TBC1D8B: variants seen among roughly 807,000 people sequenced by gnomAD.
TBC1D8B encodes TBC1 domain family member 8B, also known as RP11-321G1.1.
TBC1D8B carries 75 observed loss-of-function variants against 82.9 expected under a neutral mutation model. The observed-to-expected ratio is 0.90, with a 90% CI of 0.75 to 1.10. The LOEUF is 1.10. Among genes scored for constraint, TBC1D8B ranks in the 50% least tolerant of loss-of-function variants. The pLI is 0.00. For synonymous variants in TBC1D8B, 276 were observed against 276.8 expected (o/e 1.00, Z 0.03); for missense variants, 794 against 796.9 (o/e 1.00, Z 0.04).
chrX:106,803,965 A>G (rs1210981342), intron 1 of TBC1D8B, among the ~76,000 whole-genome samples: 2 of 111,681 alleles, frequency 1.8e-5, no homozygotes, highest in Non-Finnish European at 3.8e-5. Context: ...TTTTAGTCCC[A>G]TCCTACTCTC....
At chrX:106,830,043 T>C (rs1324097405) in intron 7 of TBC1D8B, 1 of 111,491 alleles carries the variant, frequency 9.0e-6, no homozygotes, top group Non-Finnish European at 1.9e-5. Context: ...TCAACCTACT[T>C]ATCTGACAAA....
chrX:106,825,920 T>C lies in TBC1D8B; in HGVS notation c.828-110T>C. ...TTGAAAAATATAGCATTTTTAGTGT[T>C]TAATCTGTGTGCACAGTGTATGTAG... is the stretch of plus-strand genomic sequence containing the variant. On this transcript the variant is annotated intron_variant, in intron 5 of 20. Transcript: ENST00000357242. 6 of 561,869 alleles carry C rather than the reference T, an allele frequency of 1.1e-5. No homozygotes were observed. The South Asian group carries it at 3.3e-4, about 31-fold the overall frequency. The allele number at this position is 561,869 out of a possible 1,213,427, so 46.3% of individuals were successfully genotyped here. A position where few individuals can be genotyped will look rare whatever the true frequency, so the allele number is the denominator to read the frequency against.
Position 106,827,339 on chromosome X carries a change from T to C in TBC1D8B, c.1203+2T>C. The C allele has an allele frequency of 8.3e-7, 1 of 1,208,782 alleles. No homozygotes were observed. The highest frequency in any genetic ancestry group is 1.1e-6 in the Non-Finnish European group (1 of 893,645). ...CAATATCATGATATTAGCACAGAGG[T>C]AATTAATTATACAGCAATCAAATCA... On this transcript the variant is annotated splice_donor_variant, in intron 7 of 20. Transcript: ENST00000357242. LOFTEE classifies it high-confidence loss of function.
At chrX:106,861,878 C>T (rs1932778616) in intron 14 of TBC1D8B, among the ~76,000 whole-genome samples, 1 of 111,773 alleles carries the variant, frequency 8.9e-6, no homozygotes, top group Non-Finnish European at 1.9e-5. Context: ...GGCTGATAAT[C>T]GTCTTTCCTT....
chrX:106,866,603 A>G (rs1185808367), intron 16 of TBC1D8B, among the ~76,000 whole-genome samples, 194 bp from the exon 17 acceptor site: 3 of 112,266 alleles, frequency 2.7e-5, no homozygotes, highest in Non-Finnish European at 5.6e-5. Flanking sequence ...GATAAAGAGT[A>G]TTTTGCTTAT....
chrX:106,822,353 CTT>C, intron 4 of TBC1D8B, 151 bp downstream of exon 4: 1 of 466,569 alleles, frequency 2.1e-6, no homozygotes, highest in Non-Finnish European at 3.4e-6. Flanking sequence ...GGAAAGAACT[CTT>C]TTAAGACTGG....
At position 106,823,555 on chromosome X, in the gene TBC1D8B, T is replaced by C. The variant is rs1441368964; in HGVS notation, c.827+89T>C. ...GCTTACCATTAAAAGTTAACTCTTCTATATTATATGATAGGGTTTTTTTTG... is the reference window on the plus strand; with the variant it reads ...GCTTACCATTAAAAGTTAACTCTTCCATATTATATGATAGGGTTTTTTTTG... On this transcript the variant is annotated intron_variant, in intron 5 of 20. Transcript: ENST00000357242. 4.9e-6 allele frequency: 5 copies of C among 1,022,794 alleles called. No homozygotes were observed. The Admixed American group carries it at 8.9e-5, about 18-fold the overall frequency. 84.3% of individuals were successfully genotyped at this position (1,022,794 alleles called of 1,213,427 possible). A position where few individuals can be genotyped will look rare whatever the true frequency, so the allele number is the denominator to read the frequency against.
chrX:106,847,187 T>C (rs1178715453), intron 10 of TBC1D8B, among the ~76,000 whole-genome samples: 1 of 111,641 alleles, frequency 9.0e-6, no homozygotes, highest in African/African-American at 3.2e-5. Flanking sequence ...AGTAAAAAAT[T>C]TGAATTAACC....
chrX:106,823,359 A>G lies in TBC1D8B; in HGVS notation c.720A>G (p.Thr240=), dbSNP rs1931749442. The change falls in exon 5 of 21, where the codon ACA becomes ACG. Residue 240 remains threonine (T), a synonymous_variant. Transcript: ENST00000357242. ...YFSMFLHINQ[T]YLLMEQLANY... is the part of the protein sequence containing the mutation. The stretch of plus-strand genomic sequence containing the variant: ...CAATGTTTTTGCACATTAACCAAAC[A>G]TACCTTCTTATGGAACAGCTGGCAA... 2.5e-6 allele frequency: 3 copies of G among 1,208,828 alleles called. No individual in the cohort carries two copies. Among genetic ancestry groups the G allele is most frequent in the East Asian group, 5.9e-5 (2 of 33,661 alleles).
At chrX:106,825,562 A>G (rs968525781) in intron 5 of TBC1D8B, among the ~76,000 whole-genome samples, 30 of 111,526 alleles carry the variant, frequency 2.7e-4, no homozygotes, top group Non-Finnish European at 3.0e-4. Flanking sequence ...AATTTTTAAT[A>G]TCGTCTTTAA....
At position 106,821,993 on chromosome X, in the gene TBC1D8B, AG is replaced by A; in HGVS notation, c.380del (p.Gly127GlufsTer19). ...QGKIRGLIAEEGKHCFAKEDD... is the reference protein window; with the variant it reads ...QGKIRGLIAEXGKHCFAKEDD... ...CTCCTTTAGGGATTAATTGCTGAAGAGGGAAAACATTGTTTTGCAAAAGAAG... is the reference window on the plus strand; with the variant it reads ...CTCCTTTAGGGATTAATTGCTGAAGAGGAAAACATTGTTTTGCAAAAGAAG... On this transcript the variant is annotated frameshift_variant, in exon 4 of 21. Coordinates refer to ENST00000357242, the MANE Select transcript of TBC1D8B (RefSeq NM_017752.3). LOFTEE classifies it high-confidence loss of function. 1 of 1,209,439 alleles carries A rather than the reference AG, an allele frequency of 8.3e-7. No homozygotes were observed. The highest frequency in any genetic ancestry group is 1.1e-6 in the Non-Finnish European group (1 of 894,034).
rs754310853 is a variant in TBC1D8B, at chrX:106,848,268, G to A, written c.1802G>A (p.Arg601Gln). Reference protein sequence around the residue: ...AFWLLVAVCERMLPDYFNRRI... With the variant: ...AFWLLVAVCEQMLPDYFNRRI... ...TGGCTTCTGGTTGCTGTATGTGAAC[G>A]AATGTTGCCTGATTATTTTAATCGT... Residue 601 changes from arginine to glutamine, a missense_variant, in exon 11 of 21, where the codon CGA (arginine) becomes CAA (glutamine). Coordinates refer to ENST00000357242, the MANE Select transcript of TBC1D8B (RefSeq NM_017752.3). 12 of 1,189,324 alleles carry A rather than the reference G, an allele frequency of 1.0e-5. No homozygotes were observed. Among genetic ancestry groups the A allele is most frequent in the Non-Finnish European group, 1.4e-5 (12 of 882,281 alleles).
rs1452059235 is a variant in TBC1D8B, at chrX:106,874,213, C to G, written c.*248C>G. 7 of 263,409 alleles carry G rather than the reference C, an allele frequency of 2.7e-5. No individual in the cohort carries two copies. Among genetic ancestry groups the G allele is most frequent in the Non-Finnish European group, 3.3e-5 (5 of 150,679 alleles). The allele number at this position is 263,409 out of a possible 1,213,427, so 21.7% of individuals were successfully genotyped here. On this transcript the variant is annotated 3_prime_UTR_variant, in exon 21 of 21. Coordinates refer to ENST00000357242, the MANE Select transcript of TBC1D8B (RefSeq NM_017752.3). The stretch of plus-strand genomic sequence containing the variant: ...TGTTATCTCAAATTTTGATGATATT[C>G]TCAAATACAAATATACTTTTTTATA...
At chrX:106,826,910 G>A (rs377523657) in intron 6 of TBC1D8B, among the ~76,000 whole-genome samples, 6 of 111,021 alleles carry the variant, frequency 5.4e-5, no homozygotes, top group African/African-American at 1.6e-4. Context: ...GAAATAAATT[G>A]TTGGTATTTG....
At chrX:106,813,656 A>G (rs1015689483) in intron 1 of TBC1D8B, among the ~76,000 whole-genome samples, 4 of 111,961 alleles carry the variant, frequency 3.6e-5, no homozygotes, top group Non-Finnish European at 7.5e-5. Context: ...TTCATTTGAA[A>G]TTCTAATTCC....
intron 10 of TBC1D8B, among the ~76,000 whole-genome samples, chrX:106,841,309 A>G (rs1937303): frequency 0.16 from 17,437 of 111,248 alleles, 1,381 homozygotes; most frequent in Middle Eastern, 0.35. Context: ...GGAGTCAGAG[A>G]AGGCTTCGTG....
At chrX:106,862,216 C>T (rs1479600277) in intron 14 of TBC1D8B, among the ~76,000 whole-genome samples, 2 of 111,504 alleles carry the variant, frequency 1.8e-5, no homozygotes, top group African/African-American at 6.5e-5. Context: ...GACTGTGTGG[C>T]TTGGGGATGG....
intron 11 of TBC1D8B, chrX:106,849,159 A>T (rs1453594844): frequency 1.2e-6 from 1 of 854,240 alleles, no homozygotes; most frequent in Non-Finnish European, 1.6e-6. Context: ...GTACCGTAAT[A>T]GGCTTTCAGG....
chrX:106,831,803 C>G (rs1233628522), intron 7 of TBC1D8B, among the ~76,000 whole-genome samples: 1 of 111,241 alleles, frequency 9.0e-6, no homozygotes. Flanking sequence ...AATATATGTA[C>G]AAAATACCAG....
Sources: allele counts gnomAD v4.1 joint callset (sites outside exome capture counted in the v4.1 genomes callset), GRCh38; gene constraint gnomAD v4.1.1; transcripts MANE v1.5; gene names NCBI Gene and HGNC (gene_info 2026-07-23, HGNC 2026-07-21).